TMEM232: variants seen among roughly 807,000 people sequenced by gnomAD.
TMEM232 encodes the protein transmembrane protein 232.
Under a neutral mutation model 78.8 loss-of-function variants are expected in TMEM232, and 80 were observed. The observed-to-expected ratio is 1.01, with a 90% confidence interval of 0.85 to 1.22. TMEM232 has a LOEUF of 1.22. Among genes scored for constraint, TMEM232 ranks in the 50% most tolerant of loss-of-function variants. TMEM232 has a pLI of 0.00. For missense variants in TMEM232, 881 were observed against 742.2 expected (o/e 1.19, Z -2.17); for synonymous variants, 297 against 254.3 (o/e 1.17, Z -1.60).
At chr5:110,686,019 T>A (rs1398263470) in intron 1 of TMEM232, among the ~76,000 whole-genome samples, 1 of 151,806 alleles carries the variant, frequency 6.6e-6, no homozygotes, top group Non-Finnish European at 1.5e-5. Context: ...TATTATATAT[T>A]AGGGATGGTA....
chr5:110,496,595 G>C (rs983925889), intron 12 of TMEM232, among the ~76,000 whole-genome samples: 3 of 151,992 alleles, frequency 2.0e-5, no homozygotes, highest in South Asian at 2.1e-4. Context: ...TGAGAGAAGA[G>C]AGAACAGATG....
At chr5:110,509,991 G>C (rs573699745) in intron 12 of TMEM232, among the ~76,000 whole-genome samples, 10 of 152,190 alleles carry the variant, frequency 6.6e-5, no homozygotes, top group African/African-American at 2.4e-4. Flanking sequence ...CTCTCTGGCT[G>C]TTCCTAAGGC....
intron 1 of TMEM232, among the ~76,000 whole-genome samples, chr5:110,708,796 A>G (rs1796191793): frequency 6.6e-6 from 1 of 152,180 alleles, no homozygotes; most frequent in African/African-American, 2.4e-5. Flanking sequence ...ACTTAAATAA[A>G]TAAAAACAAA....
At chr5:110,436,245 T>C (rs1018690999) in intron 12 of TMEM232, among the ~76,000 whole-genome samples, 4 of 152,080 alleles carry the variant, frequency 2.6e-5, no homozygotes, top group Non-Finnish European at 1.5e-5. Context: ...TCTTTGCTAT[T>C]TGTATGTCCT....
chr5:110,704,871 T>C (rs536625972), intron 1 of TMEM232, among the ~76,000 whole-genome samples: 1 of 152,252 alleles, frequency 6.6e-6, no homozygotes, highest in Admixed American at 6.6e-5. Flanking sequence ...CCTGATAAAA[T>C]GGAAGACAGC....
chr5:110,422,858 A>G (rs982962385), intron 13 of TMEM232, among the ~76,000 whole-genome samples: 2 of 152,124 alleles, frequency 1.3e-5, no homozygotes, highest in East Asian at 3.9e-4. Flanking sequence ...TACTTTATAT[A>G]CCATTATTAT....
intron 1 of TMEM232, among the ~76,000 whole-genome samples, chr5:110,686,502 T>G (rs1455052422): frequency 2.0e-5 from 3 of 152,012 alleles, no homozygotes; most frequent in South Asian, 4.2e-4. Flanking sequence ...TCCTGTGGTT[T>G]AAGGAGATAC....
intron 1 of TMEM232, among the ~76,000 whole-genome samples, chr5:110,693,010 AGTG>A (rs1407309603): frequency 1.3e-5 from 2 of 152,198 alleles, no homozygotes; most frequent in Non-Finnish European, 2.9e-5. Context: ...TGCCTCCTCA[AGTG>A]GGTCCCTGAC....
intron 1 of TMEM232, among the ~76,000 whole-genome samples, chr5:110,693,780 G>C (rs1320028484): frequency 6.6e-6 from 1 of 152,278 alleles, no homozygotes; most frequent in South Asian, 2.1e-4. Flanking sequence ...AACAAACAAA[G>C]CCTCCAAGAA....
At chr5:110,726,817 G>C (rs1456352621), upstream of TMEM232, 2 of 152,226 alleles carry the variant, frequency 1.3e-5, no homozygotes, top group African/African-American at 4.8e-5. Flanking sequence ...TAAATGCAAT[G>C]TTGTGTGAAA....
intron 12 of TMEM232, among the ~76,000 whole-genome samples, chr5:110,440,815 G>A (rs565616913): frequency 2.6e-5 from 4 of 152,230 alleles, no homozygotes; most frequent in South Asian, 2.1e-4. Flanking sequence ...ATTTTCAGGC[G>A]TGTATAGTTT....
chr5:110,437,891 T>C (rs535493454), intron 12 of TMEM232, among the ~76,000 whole-genome samples: 1 of 152,212 alleles, frequency 6.6e-6, no homozygotes, highest in South Asian at 2.1e-4. Context: ...CCAATATTAA[T>C]TGCCTAAGGA....
intron 12 of TMEM232, among the ~76,000 whole-genome samples, chr5:110,428,031 TAA>T (rs1466930749): frequency 3.9e-5 from 6 of 151,980 alleles, no homozygotes; most frequent in African/African-American, 1.2e-4. Flanking sequence ...AATGTACAAT[TAA>T]GTTATTGTTA....
At chr5:110,596,693 T>A (rs1464981897) in intron 10 of TMEM232, among the ~76,000 whole-genome samples, 1 of 152,166 alleles carries the variant, frequency 6.6e-6, no homozygotes, top group Admixed American at 6.5e-5. Flanking sequence ...ATCCCTGGGA[T>A]GAAAGGCTGG....
At chr5:110,605,403 C>T (rs1284090663) in intron 9 of TMEM232, 45 bp from the exon 10 acceptor site, 3 of 1,507,842 alleles carry the variant, frequency 2.0e-6, no homozygotes, top group East Asian at 2.5e-5. Flanking sequence ...TATATCTTTG[C>T]ATATCAATAA....
intron 12 of TMEM232, among the ~76,000 whole-genome samples, chr5:110,525,330 C>A (rs1770413264): frequency 6.6e-6 from 1 of 151,912 alleles, no homozygotes. Context: ...AACTTAAATT[C>A]AATGACTGAA....
chr5:110,634,002 A>C (rs1361268219), intron 5 of TMEM232, among the ~76,000 whole-genome samples: 1 of 152,200 alleles, frequency 6.6e-6, no homozygotes, highest in East Asian at 1.9e-4. Context: ...AGATGGAAAA[A>C]CATACTCCAC....
chr5:110,407,490 ATATT>A (rs1452290776), intron 2 of TMEM232, among the ~76,000 whole-genome samples: 1 of 152,172 alleles, frequency 6.6e-6, no homozygotes, highest in Non-Finnish European at 1.5e-5. Flanking sequence ...AATTATATAA[ATATT>A]TATGCACTCA....
chr5:110,514,758 ATTAAG>A (rs891638775), intron 12 of TMEM232, among the ~76,000 whole-genome samples: 2 of 147,028 alleles, frequency 1.4e-5, no homozygotes, highest in African/African-American at 2.6e-5. Flanking sequence ...CCCAGACAAT[ATTAAG>A]TTAAGAGGCC....
Sources: gnomAD v4.1 joint callset for allele counts (sites outside exome capture counted in the v4.1 genomes callset) on GRCh38, gnomAD v4.1.1 for gene constraint, MANE v1.5 for transcripts, NCBI Gene and HGNC (gene_info 2026-07-23, HGNC 2026-07-21) for gene names.